The following INVS variants were observed in gnomAD, a reference collection of about 807,000 sequenced individuals.
INVS encodes the protein inversion of embryo turning homolog.
In INVS, 86 loss-of-function variants were observed where a neutral mutation model predicts 108.8. That is an observed-to-expected ratio of 0.79 (90% confidence interval 0.66 to 0.95). INVS has a LOEUF of 0.95. Ranked by LOEUF, INVS falls within the 40% of genes least tolerant of loss-of-function variation. The pLI, the probability that INVS is intolerant of heterozygous loss-of-function variation, is 0.00. For synonymous variants in INVS, 455 were observed against 473.5 expected (o/e 0.96, Z 0.51); for missense variants, 1,169 against 1,297.4 (o/e 0.90, Z 1.52).
At chr9:100,242,714 T>C (rs749816861) in intron 7 of INVS, 35 bp downstream of exon 7, 10 of 1,205,632 alleles carry the variant, frequency 8.3e-6, no homozygotes, top group Non-Finnish European at 1.2e-5. Flanking sequence ...TTTTTCTTAG[T>C]GAAAATTGTT....
At chr9:100,245,847 C>G (rs911709205) in intron 7 of INVS, among the ~76,000 whole-genome samples, 1 of 152,106 alleles carries the variant, frequency 6.6e-6, no homozygotes, top group African/African-American at 2.4e-5. Flanking sequence ...ATAGATGGAT[C>G]TCATGTAAAA....
chr9:100,257,769 A>G (rs1038083897), intron 10 of INVS, among the ~76,000 whole-genome samples: 4 of 152,218 alleles, frequency 2.6e-5, no homozygotes, highest in African/African-American at 7.2e-5. Flanking sequence ...GTTTCTGCCA[A>G]GAGATCTGCT....
At position 100,180,344 on chromosome 9, in the gene INVS, G is replaced by GT. The variant is rs143374251; in HGVS notation, c.274-45709dup. Among the ~76,000 whole-genome samples, 180 of 150,922 alleles carry GT rather than the reference G, an allele frequency of 1.2e-3. 4 individuals carry two copies. In the South Asian group the frequency reaches 0.031, roughly 26 times the overall value. Reference sequence around the variant, plus strand: ...CAAAAAATCAAGAATCCAGGAGCTGGTTTTTTTTTAAAAGATTAACAACAG... The same window carrying GT: ...CAAAAAATCAAGAATCCAGGAGCTGGTTTTTTTTTTAAAAGATTAACAACAG... On this transcript the variant is annotated intron_variant, in intron 3 of 16. Transcript: ENST00000262457.
intron 3 of INVS, chr9:100,175,095 T>A (rs1829667919): frequency 3.9e-6 from 1 of 253,948 alleles, no homozygotes; most frequent in East Asian, 9.5e-5. Flanking sequence ...TCCTCTGACA[T>A]CTTCCAGAAA....
intron 5 of INVS, among the ~76,000 whole-genome samples, chr9:100,233,867 G>A (rs1831594732): frequency 6.6e-6 from 1 of 152,168 alleles, no homozygotes; most frequent in Admixed American, 6.5e-5. Context: ...TTTGGTGTCA[G>A]GATGATGCTG....
chr9:100,286,755 C>T (rs1436447889), intron 13 of INVS, among the ~76,000 whole-genome samples: 1 of 152,190 alleles, frequency 6.6e-6, no homozygotes, highest in African/African-American at 2.4e-5. Flanking sequence ...GCAGATGCCA[C>T]TCCCTCTACC....
chr9:100,155,273 C>T (rs1402468246), intron 3 of INVS, among the ~76,000 whole-genome samples: 1 of 151,894 alleles, frequency 6.6e-6, no homozygotes, highest in African/African-American at 2.4e-5. Flanking sequence ...ACAAAGACAC[C>T]TGTGTATTAA....
chr9:100,182,786 C>G (rs776484561), intron 3 of INVS, among the ~76,000 whole-genome samples: 20 of 152,102 alleles, frequency 1.3e-4, no homozygotes, highest in Non-Finnish European at 2.6e-4. Flanking sequence ...TGGATATATG[C>G]CCAAAGGATT....
In INVS at chr9:100,296,927, A is replaced by G. The variant is rs775865515; in HGVS notation, c.2797A>G (p.Arg933Gly). 1.1e-5 allele frequency: 17 copies of G among 1,613,860 alleles called. No individual in the cohort carries two copies. In the South Asian group the frequency reaches 1.9e-4, roughly 18 times the overall value. The change falls in exon 15 of 17, where the codon AGG (arginine) becomes GGG (glycine). Residue 933 changes from arginine to glycine, a missense_variant. This residue lies in a region of INVS where 533 missense variants were observed against 536.0 expected (regional missense o/e 0.99). Transcript: ENST00000262457. ...IQRAWRSYQL[R>G]KHLSHLRHMK... ...CTCTGACCCAACCAGCTACCAGCTC[A>G]GGAAGCACCTGTCCCACCTTCGGCA...
At chr9:100,221,278 C>G (rs1027144420) in intron 3 of INVS, among the ~76,000 whole-genome samples, 4 of 151,622 alleles carry the variant, frequency 2.6e-5, no homozygotes, top group African/African-American at 9.7e-5. Context: ...CTGCTCATTC[C>G]CAAAGATTGA....
intron 3 of INVS, among the ~76,000 whole-genome samples, chr9:100,146,921 G>A (rs73505786): frequency 0.21 from 31,987 of 151,582 alleles, 5,718 homozygotes; most frequent in African/African-American, 0.49. Flanking sequence ...TTGAGTACCT[G>A]TTTTCAATTC....
chr9:100,297,330 C>G (rs1833819772), intron 15 of INVS, among the ~76,000 whole-genome samples, 184 bp downstream of exon 15: 1 of 152,244 alleles, frequency 6.6e-6, no homozygotes, highest in South Asian at 2.1e-4. Context: ...TAATATTTCT[C>G]AAGCACCATT....
intron 11 of INVS, among the ~76,000 whole-genome samples, chr9:100,265,518 G>A (rs1250738993): frequency 6.6e-6 from 1 of 152,140 alleles, no homozygotes; most frequent in African/African-American, 2.4e-5. Flanking sequence ...TCTGACTTCT[G>A]GCTAACATAA....
Position 100,259,771 on chromosome 9 carries a change from A to G in INVS, c.1465-5051A>G, listed in dbSNP as rs536540789. Among the ~76,000 whole-genome samples, 11 of 151,988 alleles carry G rather than the reference A, an allele frequency of 7.2e-5. No homozygotes were observed. In the South Asian group the frequency reaches 2.3e-3, roughly 32 times the overall value. On this transcript the variant is annotated intron_variant, in intron 10 of 16. Transcript: ENST00000262457. ...CGTCACATTGGCCAGGCTGGTCTCG[A>G]ACTCCTGATCTCAGGTGATCCGCCC...
chr9:100,116,875 G>A (rs1206615447), intron 2 of INVS: 14 of 1,264,018 alleles, frequency 1.1e-5, no homozygotes, highest in East Asian at 4.6e-5. Context: ...TCCAGAGGTC[G>A]GGGGTCAGGT....
At chr9:100,163,140 G>T (rs551709745) in intron 3 of INVS, among the ~76,000 whole-genome samples, 17 of 150,272 alleles carry the variant, frequency 1.1e-4, no homozygotes, top group South Asian at 4.2e-4. Context: ...ACTCTTTCTT[G>T]CCACTGGGGT....
At chr9:100,239,984 G>GA (rs1366872337) in intron 5 of INVS, 76 bp from the exon 6 acceptor site, 6 of 1,383,938 alleles carry the variant, frequency 4.3e-6, no homozygotes, top group Non-Finnish European at 5.1e-6. Flanking sequence ...AAGAAAGAAA[G>GA]AAAAAAATAC....
At chr9:100,239,909 C>T in intron 5 of INVS, 151 bp from the exon 6 acceptor site, 1 of 704,094 alleles carries the variant, frequency 1.4e-6, no homozygotes, top group Admixed American at 2.1e-5. Context: ...TTTGAGGCTG[C>T]AGTGAGCTGT....
chr9:100,175,708 C>T, intron 3 of INVS: 1 of 630,156 alleles, frequency 1.6e-6, no homozygotes, highest in Non-Finnish European at 3.0e-6. Context: ...GCGAACATGT[C>T]TGGGAACCTT....
Sources: allele counts gnomAD v4.1 joint callset (sites outside exome capture counted in the v4.1 genomes callset), GRCh38; gene constraint gnomAD v4.1.1; regional missense constraint gnomAD v4.1.1; transcripts MANE v1.5; gene names NCBI Gene and HGNC (gene_info 2026-07-23, HGNC 2026-07-21).